The following SLC24A4 variants were observed in gnomAD, a reference collection of about 807,000 sequenced individuals.
SLC24A4 encodes the protein sodium/potassium/calcium exchanger 4.
A neutral mutation model predicts 79.0 loss-of-function variants in SLC24A4; 53 were observed. The observed-to-expected ratio is 0.67, with a 90% confidence interval of 0.54 to 0.84. The LOEUF (loss-of-function observed/expected upper bound fraction) is 0.84, where lower values mean the gene tolerates loss of function less well. Ranked by LOEUF, SLC24A4 falls within the 40% of genes least tolerant of loss-of-function variation. The pLI, the probability that SLC24A4 is intolerant of heterozygous loss-of-function variation, is 0.00. For missense variants in SLC24A4, 731 were observed against 822.0 expected, an observed-to-expected ratio of 0.89 and a Z score of 1.35; for synonymous variants, 323 against 323.8, an observed-to-expected ratio of 1.00 and a Z score of 0.03.
intron 2 of SLC24A4, among the ~76,000 whole-genome samples, chr14:92,328,101 C>G (rs940670805): frequency 6.6e-6 from 1 of 152,176 alleles, no homozygotes; most frequent in Non-Finnish European, 1.5e-5. Context: ...TCACCTGGAT[C>G]CAGGTGCCAG....
Position 92,323,757 on chromosome 14 carries a change from G to A in SLC24A4, c.-74G>A. The A allele has an allele frequency of 2.0e-6, 3 of 1,487,886 alleles. No individual in the cohort carries two copies. Among genetic ancestry groups the A allele is most frequent in the South Asian group, 1.3e-5 (1 of 76,440 alleles). The allele number at this position is 1,487,886 out of a possible 1,614,324, so 92.2% of individuals were successfully genotyped here. A position where few individuals can be genotyped will look rare whatever the true frequency, so the allele number is the denominator to read the frequency against. ...CACCGCCTGCTCCAGCCCCAGCGCC[G>A]CTCGGCCACTGATTGCACTCTGGCC... On this transcript the variant is annotated 5_prime_UTR_variant, in exon 1 of 17. Transcript: ENST00000532405. This position sits in a 1 kb window ranked among gnomAD's most constrained non-coding sequence, Gnocchi z 4.9.
At chr14:92,330,500 A>C (rs992310685) in intron 2 of SLC24A4, among the ~76,000 whole-genome samples, 1 of 152,238 alleles carries the variant, frequency 6.6e-6, no homozygotes, top group Admixed American at 6.5e-5. Context: ...AATGGGAAGC[A>C]GGTCTCTCCA....
intron 2 of SLC24A4, among the ~76,000 whole-genome samples, chr14:92,360,870 C>T (rs915822968): frequency 3.9e-5 from 6 of 152,194 alleles, no homozygotes; most frequent in Admixed American, 6.5e-5. Context: ...AGGGTTTCTA[C>T]GAAACCGAAA....
At chr14:92,451,909 GC>G (rs1427807545) in intron 10 of SLC24A4, 1 of 152,624 alleles carries the variant, frequency 6.6e-6, no homozygotes, top group African/African-American at 2.4e-5. Flanking sequence ...CTGGCCTGGG[GC>G]TGGACTGCTG....
intron 2 of SLC24A4, among the ~76,000 whole-genome samples, chr14:92,396,616 A>G (rs918721959): frequency 2.0e-5 from 3 of 152,212 alleles, no homozygotes; most frequent in African/African-American, 7.2e-5. Flanking sequence ...CATATTTCAA[A>G]ACACACCTGC....
chr14:92,351,911 A>AAAGG (rs1555361026), intron 2 of SLC24A4, among the ~76,000 whole-genome samples: 1 of 83,770 alleles, frequency 1.2e-5, no homozygotes, highest in Non-Finnish European at 2.4e-5. Context: ...GGAAGGAAGG[A>AAAGG]AAGGAAGGAA....
In SLC24A4 at chr14:92,387,337, C is replaced by T. The variant is rs113412829; in HGVS notation, c.242-46575C>T. On this transcript the variant is annotated intron_variant, in intron 2 of 16. Transcript: ENST00000532405. ...GATTACAGGCACCCACCACCACGCC[C>T]GGCTAATTTTAGTATTTTTAGTAGA... Among the ~76,000 whole-genome samples, 1,040 of 152,098 alleles carry T rather than the reference C, an allele frequency of 6.8e-3. 12 individuals carry two copies. Among genetic ancestry groups the T allele is most frequent in the African/African-American group, 0.024 (979 of 41,502 alleles).
At chr14:92,351,493 T>C (rs1886865941) in intron 2 of SLC24A4, among the ~76,000 whole-genome samples, 1 of 152,230 alleles carries the variant, frequency 6.6e-6, no homozygotes, top group Non-Finnish European at 1.5e-5. Flanking sequence ...TAAACTTTCT[T>C]CTGCCTCCAC....
At chr14:92,461,906 C>CA (rs1383935950) in intron 12 of SLC24A4, among the ~76,000 whole-genome samples, 7 of 152,234 alleles carry the variant, frequency 4.6e-5, no homozygotes, top group Admixed American at 4.6e-4. Flanking sequence ...CATGGTCACC[C>CA]AGCAGCTCTG....
chr14:92,336,563 T>A (rs1406450770), intron 2 of SLC24A4, among the ~76,000 whole-genome samples: 1 of 152,088 alleles, frequency 6.6e-6, no homozygotes, highest in Admixed American at 6.5e-5. Flanking sequence ...CTCCTAGTAA[T>A]TGCGCAAGAA....
chr14:92,367,740 C>T (rs1442602267), intron 2 of SLC24A4, among the ~76,000 whole-genome samples: 1 of 152,200 alleles, frequency 6.6e-6, no homozygotes, highest in Non-Finnish European at 1.5e-5. Context: ...GACTCCAAAC[C>T]CTCAGTCACT....
intron 2 of SLC24A4, among the ~76,000 whole-genome samples, chr14:92,411,157 C>T (rs115407178): frequency 0.013 from 1,995 of 152,220 alleles, 45 homozygotes; most frequent in African/African-American, 0.045. Flanking sequence ...TCAGATCCCC[C>T]GTGTTGACTT....
At chr14:92,461,207 C>T (rs760117038) in intron 12 of SLC24A4, among the ~76,000 whole-genome samples, 9 of 152,172 alleles carry the variant, frequency 5.9e-5, no homozygotes, top group Non-Finnish European at 1.3e-4. Context: ...CTCTCTCCTG[C>T]GCCCGTAACG....
At chr14:92,392,535 G>C (rs568827159) in intron 2 of SLC24A4, among the ~76,000 whole-genome samples, 6 of 152,064 alleles carry the variant, frequency 3.9e-5, no homozygotes, top group Non-Finnish European at 8.8e-5. Flanking sequence ...AATCAGCCTT[G>C]TTTCTGATGA....
chr14:92,439,823 G>A (rs10143257), intron 4 of SLC24A4, among the ~76,000 whole-genome samples: 1,937 of 152,334 alleles, frequency 0.013, 41 homozygotes, highest in African/African-American at 0.044. Context: ...TGCAGCAGCA[G>A]GGAATTCCCC....
At position 92,491,737 on chromosome 14, in the gene SLC24A4, C is replaced by T. The variant is rs768462756; in HGVS notation, c.1610C>T (p.Pro537Leu). ...GACATCCTGGTAGGACTTGGTGTAC[C>T]GTGGGGCCTGCAGACCATGGTTGTT... ...VFDILVGLGV[P>L]WGLQTMVVNY... Residue 537 changes from proline (P) to leucine (L), a missense_variant, in exon 15 of 17, where the codon CCG becomes CTG. Physicochemically the swap from Pro to Leu is moderately conservative, Grantham distance 98 (BLOSUM62 -3). Coordinates refer to ENST00000532405, the MANE Select transcript of SLC24A4 (RefSeq NM_153646.4). 5.6e-6 allele frequency: 9 copies of T among 1,613,808 alleles called. No individual in the cohort carries two copies. The highest frequency in any genetic ancestry group is 1.6e-4 in the Middle Eastern group (1 of 6,080).
At chr14:92,330,063 A>G (rs7161372) in intron 2 of SLC24A4, among the ~76,000 whole-genome samples, 140,543 of 152,190 alleles carry the variant, frequency 0.92, 65,770 homozygotes, top group East Asian at 1. Context: ...GCAATTTCAG[A>G]ATGAAGTCAG....
chr14:92,474,863 A>ATTTT (rs34398420), intron 12 of SLC24A4, among the ~76,000 whole-genome samples: 11 of 57,120 alleles, frequency 1.9e-4, no homozygotes, highest in South Asian at 5.7e-4. Context: ...ATATATATAT[A>ATTTT]TTTTTTTTTT....
intron 2 of SLC24A4, among the ~76,000 whole-genome samples, chr14:92,414,254 A>G (rs2141801265): frequency 6.6e-6 from 1 of 152,292 alleles, no homozygotes; most frequent in African/African-American, 2.4e-5. Context: ...ACTAAATGCC[A>G]GTAGCACCCC....
Sources: gnomAD v4.1 joint callset for allele counts (sites outside exome capture counted in the v4.1 genomes callset) on GRCh38, gnomAD v4.1.1 for gene constraint, Gnocchi (gnomAD v3.1) non-coding constraint, MANE v1.5 for transcripts, NCBI Gene and HGNC (gene_info 2026-07-23, HGNC 2026-07-21) for gene names.